The following NOX4 variants were observed in gnomAD, a reference collection of about 807,000 sequenced individuals.
NOX4 encodes the protein kidney oxidase-1.
NOX4 carries 69 observed loss-of-function variants against 87.6 expected under a neutral mutation model. That is an observed-to-expected ratio of 0.79 (90% CI 0.65 to 0.96). The LOEUF is 0.96. Among genes scored for constraint, NOX4 ranks in the 40% least tolerant of loss-of-function variants. The pLI is 0.00. For synonymous variants in NOX4, 275 were observed against 238.2 expected, an observed-to-expected ratio of 1.15 and a Z score of -1.42; for missense variants, 680 against 681.5, an observed-to-expected ratio of 1.00 and a Z score of 0.02.
the NOX4 span, among the ~76,000 whole-genome samples, chr11:89,524,789 T>C: frequency 6.6e-6 from 1 of 152,140 alleles, no homozygotes; most frequent in Non-Finnish European, 1.5e-5. Context: ...AATTACCAAA[T>C]GCATTACCTC....
chr11:89,394,810 T>C (rs1176511383), intron 11 of NOX4, among the ~76,000 whole-genome samples: 2 of 152,314 alleles, frequency 1.3e-5, no homozygotes, highest in South Asian at 2.1e-4. Context: ...GCTTCATCCA[T>C]GGCCCTACAA....
the NOX4 span, among the ~76,000 whole-genome samples, chr11:89,523,912 T>C: frequency 6.6e-6 from 1 of 152,136 alleles, no homozygotes; most frequent in Non-Finnish European, 1.5e-5. Context: ...TACATAAAAA[T>C]TTAAAAATAC....
chr11:89,486,464 ATGTGTGTGTG>A (rs4002196), intron 2 of NOX4, among the ~76,000 whole-genome samples: 1 of 141,418 alleles, frequency 7.1e-6, no homozygotes, highest in Non-Finnish European at 1.5e-5. Context: ...CAGCTAATAT[ATGTGTGTGTG>A]TGTGTGTGTG....
At chr11:89,557,772 G>C in the NOX4 span, among the ~76,000 whole-genome samples, 1 of 152,014 alleles carries the variant, frequency 6.6e-6, no homozygotes, top group Non-Finnish European at 1.5e-5. Context: ...TGGGATGGGG[G>C]TTACATGGGG....
At chr11:89,478,202 A>AC (rs141535590) in intron 2 of NOX4, among the ~76,000 whole-genome samples, 18,465 of 151,914 alleles carry the variant, frequency 0.12, 1,231 homozygotes, top group South Asian at 0.21. Flanking sequence ...CTGTCCCCTG[A>AC]CAAAAAAAAA....
At chr11:89,413,490 T>C (rs1942594890) in intron 8 of NOX4, among the ~76,000 whole-genome samples, 1 of 152,134 alleles carries the variant, frequency 6.6e-6, no homozygotes, top group Non-Finnish European at 1.5e-5. Flanking sequence ...CGGTGTACTA[T>C]TCAGCCACAA....
the NOX4 span, among the ~76,000 whole-genome samples, chr11:89,571,699 A>T: frequency 9.9e-5 from 15 of 151,776 alleles, no homozygotes; most frequent in Non-Finnish European, 2.1e-4. Flanking sequence ...GTGAAAAAAA[A>T]AAAAATAAAC....
intron 9 of NOX4, among the ~76,000 whole-genome samples, chr11:89,401,418 A>T (rs1335048958): frequency 1.3e-5 from 2 of 152,102 alleles, no homozygotes; most frequent in South Asian, 2.1e-4. Flanking sequence ...GCTAATAGGG[A>T]TCTAGAGGAT....
chr11:89,534,977 T>C, the NOX4 span, among the ~76,000 whole-genome samples: 3 of 152,234 alleles, frequency 2.0e-5, no homozygotes, highest in Non-Finnish European at 4.4e-5. Flanking sequence ...TTTAAAGCCT[T>C]GAATTTGAAG....
chr11:89,391,272 GGAAGGGTCAGT>G (rs1018672389), intron 11 of NOX4, among the ~76,000 whole-genome samples: 11 of 152,230 alleles, frequency 7.2e-5, no homozygotes, highest in African/African-American at 2.6e-4. Flanking sequence ...AATCTAATAG[GGAAGGGTCAGT>G]GAAGGCTCCT....
At chr11:89,579,068 A>T in the NOX4 span, among the ~76,000 whole-genome samples, 3 of 152,224 alleles carry the variant, frequency 2.0e-5, no homozygotes, top group Non-Finnish European at 2.9e-5. Flanking sequence ...GCTGCATACC[A>T]TATGATTACA....
the NOX4 span, among the ~76,000 whole-genome samples, chr11:89,562,046 G>T: frequency 7.6e-3 from 1,158 of 152,200 alleles, 16 homozygotes; most frequent in Non-Finnish European, 7.9e-3. Context: ...ACAGCAATAG[G>T]GTAAGTGTTA....
the NOX4 span, among the ~76,000 whole-genome samples, chr11:89,520,908 C>T: frequency 1.3e-5 from 2 of 152,214 alleles, no homozygotes; most frequent in East Asian, 3.9e-4. Flanking sequence ...AACATTCAAG[C>T]TGACAGCCAA....
intron 2 of NOX4, among the ~76,000 whole-genome samples, chr11:89,489,227 T>C (rs1946747916): frequency 6.6e-6 from 1 of 152,102 alleles, no homozygotes; most frequent in Admixed American, 6.6e-5. Flanking sequence ...AAATAAGATC[T>C]CTCCATGTAA....
intron 8 of NOX4, among the ~76,000 whole-genome samples, chr11:89,408,641 A>T (rs1428340617): frequency 6.6e-6 from 1 of 152,052 alleles, no homozygotes; most frequent in Non-Finnish European, 1.5e-5. Context: ...TGCCTTTGAT[A>T]GCTAAGAGTA....
the NOX4 span, among the ~76,000 whole-genome samples, chr11:89,570,211 T>C: frequency 6.6e-6 from 1 of 152,288 alleles, no homozygotes; most frequent in South Asian, 2.1e-4. Context: ...CAGCAACACA[T>C]GTGGAATTGG....
intron 12 of NOX4, among the ~76,000 whole-genome samples, chr11:89,371,302 T>C (rs557258463): frequency 6.6e-6 from 1 of 152,098 alleles, no homozygotes; most frequent in Non-Finnish European, 1.5e-5. Flanking sequence ...GGTCTATTAA[T>C]TGAAAAGCAT....
the NOX4 span, among the ~76,000 whole-genome samples, chr11:89,521,297 A>G: frequency 1.3e-5 from 2 of 152,102 alleles, no homozygotes; most frequent in Non-Finnish European, 2.9e-5. Context: ...TAAGGCTGCA[A>G]TAACCAAAAT....
chr11:89,385,424 A>G (rs557564080), intron 11 of NOX4, among the ~76,000 whole-genome samples: 237 of 152,198 alleles, frequency 1.6e-3, no homozygotes, highest in African/African-American at 5.5e-3. Context: ...CCTTCTCATC[A>G]GTCACTCCCA....
Sources: allele counts gnomAD v4.1 joint callset (sites outside exome capture counted in the v4.1 genomes callset), GRCh38; gene constraint gnomAD v4.1.1; transcripts MANE v1.5; gene names NCBI Gene and HGNC (gene_info 2026-07-23, HGNC 2026-07-21).